The following GMPR variants were observed in gnomAD, a reference collection of about 807,000 sequenced individuals.
The protein encoded by GMPR is GMP reductase 1.
A neutral mutation model predicts 38.4 loss-of-function variants in GMPR; 31 were observed. The observed-to-expected ratio is 0.81, with a 90% confidence interval of 0.61 to 1.09. The LOEUF (loss-of-function observed/expected upper bound fraction) is 1.09. Among genes scored for constraint, GMPR ranks in the 50% least tolerant of loss-of-function variants. The pLI, the probability that GMPR is intolerant of heterozygous loss-of-function variation, is 0.00. For missense variants in GMPR, 468 were observed against 453.7 expected, an observed-to-expected ratio of 1.03 and a Z score of -0.29; for synonymous variants, 162 against 173.3, an observed-to-expected ratio of 0.93 and a Z score of 0.51.
At chr6:16,276,432 A>G (rs756834878) in intron 5 of GMPR, among the ~76,000 whole-genome samples, 30 of 152,160 alleles carry the variant, frequency 2.0e-4, no homozygotes, top group Non-Finnish European at 3.7e-4. Context: ...TGGCCTCCCA[A>G]CGTGCTGGGA....
At chr6:16,294,285 G>A (rs886971891) in intron 8 of GMPR, among the ~76,000 whole-genome samples, 2 of 152,164 alleles carry the variant, frequency 1.3e-5, no homozygotes, top group Non-Finnish European at 2.9e-5. Context: ...TAGGTGTAGT[G>A]ACCTGTAAGA....
intron 7 of GMPR, chr6:16,289,506 CAA>C (rs1337679953): frequency 6.6e-6 from 1 of 152,234 alleles, no homozygotes; most frequent in Admixed American, 6.5e-5. Context: ...GCATAGCCCA[CAA>C]AGACAGGCAG....
intron 8 of GMPR, among the ~76,000 whole-genome samples, chr6:16,293,241 C>T (rs1489070655): frequency 2.6e-5 from 4 of 152,232 alleles, no homozygotes; most frequent in African/African-American, 9.6e-5. Flanking sequence ...TAAAAGGCGA[C>T]ACCACCACTT....
chr6:16,290,344 T>G, intron 7 of GMPR, 118 bp from the exon 8 acceptor site: 1 of 886,598 alleles, frequency 1.1e-6, no homozygotes, highest in Non-Finnish European at 1.8e-6. Flanking sequence ...AGCCTTTCTC[T>G]TGACTATAGC....
chr6:16,266,229 G>T (rs780384292), intron 4 of GMPR, among the ~76,000 whole-genome samples: 50 of 151,286 alleles, frequency 3.3e-4, no homozygotes, highest in Non-Finnish European at 6.3e-4. Flanking sequence ...GAAGAACGCC[G>T]CGCGCACCAC....
At chr6:16,288,960 CCACT>C (rs1397156029) in intron 7 of GMPR, among the ~76,000 whole-genome samples, 2 of 152,218 alleles carry the variant, frequency 1.3e-5, no homozygotes, top group Non-Finnish European at 2.9e-5. Context: ...ACAAAACAGA[CCACT>C]CACTCTACCA....
chr6:16,290,899 G>A (rs1219076729), intron 8 of GMPR, among the ~76,000 whole-genome samples: 1 of 152,160 alleles, frequency 6.6e-6, no homozygotes, highest in Non-Finnish European at 1.5e-5. Flanking sequence ...CAGACCTCTG[G>A]GGGTAGGTGG....
At chr6:16,259,432 T>G (rs1414813275) in intron 4 of GMPR, 1 of 152,016 alleles carries the variant, frequency 6.6e-6, no homozygotes, top group Non-Finnish European at 1.5e-5. Flanking sequence ...CTGACATTCC[T>G]GTCTTCTTAT....
In GMPR at chr6:16,278,791, G is replaced by A; in HGVS notation, c.555G>A (p.Val185=). 6.2e-7 allele frequency: 1 copy of A among 1,611,464 alleles called. No individual in the cohort carries two copies. The highest frequency in any genetic ancestry group is 8.5e-7 in the Non-Finnish European group (1 of 1,177,502). Residue 185 remains valine (V), a synonymous_variant, in exon 6 of 9, where the codon GTG becomes GTA. Coordinates refer to ENST00000259727, the MANE Select transcript of GMPR (RefSeq NM_006877.4). The part of the protein sequence containing the change: ...IIKVGVGPGS[V]CTTRTKTGVG... ...ACTTCTTTCTCTGTGCAGGTTCTGT[G>A]TGCACCACCCGCACCAAGACGGGAG...
intron 5 of GMPR, among the ~76,000 whole-genome samples, chr6:16,276,451 G>A (rs1759473716): frequency 6.6e-6 from 1 of 152,168 alleles, no homozygotes; most frequent in East Asian, 1.9e-4. Context: ...GATTCCAGGT[G>A]TGAGCCACCA....
chr6:16,274,169 C>T (rs1759434517), intron 4 of GMPR, among the ~76,000 whole-genome samples: 2 of 152,114 alleles, frequency 1.3e-5, no homozygotes, highest in African/African-American at 4.8e-5. Context: ...AAAGCCCTGA[C>T]CTGGACTCTC....
chr6:16,271,069 C>T (rs146808471), intron 4 of GMPR, among the ~76,000 whole-genome samples: 19 of 152,228 alleles, frequency 1.2e-4, no homozygotes, highest in African/African-American at 3.9e-4. Flanking sequence ...TTGACTCTAC[C>T]GGGTTGTACC....
At chr6:16,266,842 T>C (rs1479708648) in intron 4 of GMPR, among the ~76,000 whole-genome samples, 1 of 151,330 alleles carries the variant, frequency 6.6e-6, no homozygotes, top group Non-Finnish European at 1.5e-5. Context: ...AGGTCGTGGC[T>C]TCACTCCTGA....
intron 2 of GMPR, 82 bp from the exon 3 acceptor site, chr6:16,250,202 G>A (rs1758842600): frequency 3.7e-6 from 3 of 809,996 alleles, no homozygotes; most frequent in South Asian, 1.4e-5. Context: ...CCTTTGTCTT[G>A]TTGGATCACC....
intron 6 of GMPR, among the ~76,000 whole-genome samples, chr6:16,279,368 C>T (rs1227799283): frequency 6.6e-6 from 1 of 152,204 alleles, no homozygotes. Flanking sequence ...GTGTGTGTCT[C>T]TGTGTGCAAA....
rs76301121 is a variant in GMPR at position 16,251,719 on chromosome 6, A to G, written c.291+1352A>G. Among the ~76,000 whole-genome samples, 907 of 152,254 alleles carry G rather than the reference A, an allele frequency of 6.0e-3. 6 individuals carry two copies. The highest frequency in any genetic ancestry group is 0.02 in the Middle Eastern group (6 of 294). ...AGGGAGTGTGGTTAAGGGGTATGAG[A>G]CTTTCTTTGGGAGGGTTATGAAAAT... On this transcript the variant is annotated intron_variant, in intron 3 of 8. Transcript: ENST00000259727.
intron 6 of GMPR, among the ~76,000 whole-genome samples, chr6:16,285,033 C>CAAAAAAAAAAAAAAAA (rs11370216): frequency 9.2e-6 from 1 of 108,590 alleles, no homozygotes; most frequent in Admixed American, 9.4e-5. Flanking sequence ...AAAAAAAAAA[C>CAAAAAAAAAAAAAAAA]AAAAAAAAAA....
chr6:16,276,732 A>G (rs988856109), intron 5 of GMPR, among the ~76,000 whole-genome samples: 2 of 152,202 alleles, frequency 1.3e-5, no homozygotes, highest in Non-Finnish European at 2.9e-5. Context: ...TATGGTAAAA[A>G]CATTGCATAT....
intron 4 of GMPR, among the ~76,000 whole-genome samples, chr6:16,269,665 C>T (rs1759343236): frequency 6.6e-6 from 1 of 152,102 alleles, no homozygotes; most frequent in African/African-American, 2.4e-5. Flanking sequence ...GGCGTGGTGT[C>T]ACATGCCTGT....
Sources: allele counts gnomAD v4.1 joint callset (sites outside exome capture counted in the v4.1 genomes callset), GRCh38; gene constraint gnomAD v4.1.1; transcripts MANE v1.5; gene names NCBI Gene and HGNC (gene_info 2026-07-23, HGNC 2026-07-21).